The following PDE5A variants were observed in gnomAD, a reference collection of about 807,000 sequenced individuals.
PDE5A encodes the protein cGMP-specific 3',5'-cyclic phosphodiesterase.
PDE5A carries 67 observed loss-of-function variants against 110.2 expected under a neutral mutation model. The ratio of observed to expected loss-of-function variants is 0.61; its 90% CI spans 0.50 to 0.75. PDE5A has a LOEUF of 0.75. PDE5A is among the 30% of genes least tolerant of loss of function. The pLI is 0.00. For synonymous variants in PDE5A, 328 were observed against 351.2 expected (o/e 0.93, Z 0.74); for missense variants, 862 against 1,045.1 (o/e 0.82, Z 2.42).
chr4:119,623,388 TA>T (rs1457696770), intron 1 of PDE5A, among the ~76,000 whole-genome samples: 4 of 152,250 alleles, frequency 2.6e-5, no homozygotes, highest in Non-Finnish European at 2.9e-5. Flanking sequence ...CAGTCCTTAC[TA>T]AAGGTTTTTT....
At chr4:119,545,389 A>G (rs1488488783) in intron 9 of PDE5A, among the ~76,000 whole-genome samples, 2 of 152,218 alleles carry the variant, frequency 1.3e-5, no homozygotes, top group African/African-American at 4.8e-5. Context: ...CATAAACCAT[A>G]CAAACTCAGA....
Position 119,607,381 on chromosome 4 carries a change from T to C in PDE5A, c.153-84A>G. 4.2e-6 allele frequency: 3 copies of C among 722,026 alleles called. 1 individual carries two copies. The South Asian group carries it at 5.5e-5, about 13-fold the overall frequency. The allele number at this position is 722,026 out of a possible 1,614,324, so 44.7% of individuals were successfully genotyped here. A position where few individuals can be genotyped will look rare whatever the true frequency, so the allele number is the denominator to read the frequency against. On this transcript the variant is annotated intron_variant, in intron 1 of 20. Coordinates refer to ENST00000354960, the MANE Select transcript of PDE5A (RefSeq NM_001083.4). ...AGAGCTCCTAAACATCTTCTCATGG[T>C]AAACTGATGAGATAATAATTTGATA...
intron 11 of PDE5A, among the ~76,000 whole-genome samples, chr4:119,527,642 G>T (rs1726374205): frequency 6.6e-6 from 1 of 152,066 alleles, no homozygotes; most frequent in Non-Finnish European, 1.5e-5. Flanking sequence ...TGGTATTTCT[G>T]GCATAGGATG....
At chr4:119,504,414 C>CT in intron 18 of PDE5A, 122 bp downstream of exon 18, 1 of 687,630 alleles carries the variant, frequency 1.5e-6, no homozygotes, top group South Asian at 1.9e-5. Context: ...CTGTGATGAA[C>CT]ATATAAGTGT....
At chr4:119,567,394 C>T (rs1269763451) in intron 3 of PDE5A, among the ~76,000 whole-genome samples, 1 of 151,932 alleles carries the variant, frequency 6.6e-6, no homozygotes, top group African/African-American at 2.4e-5. Flanking sequence ...GTGATTTCAC[C>T]CTGCATTTTG....
chr4:119,544,473 C>T (rs954811637), intron 9 of PDE5A, among the ~76,000 whole-genome samples: 1 of 152,082 alleles, frequency 6.6e-6, no homozygotes, highest in South Asian at 2.1e-4. Context: ...AAAAACAAAC[C>T]AAGGGTTATG....
intron 2 of PDE5A, among the ~76,000 whole-genome samples, chr4:119,599,333 GA>G (rs201984569): frequency 6.6e-6 from 1 of 151,954 alleles, no homozygotes; most frequent in African/African-American, 2.4e-5. Flanking sequence ...ATAGTAAAGA[GA>G]AAAAGTAGTC....
rs1729361770 is a variant in PDE5A, at chr4:119,601,950, G to C, written c.741+4759C>G. On this transcript the variant is annotated intron_variant, in intron 2 of 20. Coordinates refer to ENST00000354960, the MANE Select transcript of PDE5A (RefSeq NM_001083.4). ...TCTAAATTTAAAAAGATAAAGAAATGCTGAGAAACTGTTTCAGATGGAGGG... is the reference window on the plus strand; with the variant it reads ...TCTAAATTTAAAAAGATAAAGAAATCCTGAGAAACTGTTTCAGATGGAGGG... Among the ~76,000 whole-genome samples the C allele has an allele frequency of 7.2e-5, 11 of 152,222 alleles. No homozygotes were observed. In the South Asian group the frequency reaches 2.3e-3, roughly 32 times the overall value.
intron 9 of PDE5A, among the ~76,000 whole-genome samples, chr4:119,545,145 T>A (rs1464345998): frequency 6.6e-6 from 1 of 152,150 alleles, no homozygotes; most frequent in Non-Finnish European, 1.5e-5. Context: ...ATAATCCCAT[T>A]GATCTCTTTA....
chr4:119,611,650 C>G (rs542579121), intron 1 of PDE5A, among the ~76,000 whole-genome samples: 2 of 152,162 alleles, frequency 1.3e-5, no homozygotes, highest in Non-Finnish European at 2.9e-5. Context: ...ATAAATGTTG[C>G]TTACGGATAT....
chr4:119,625,749 C>T (rs561911236), intron 1 of PDE5A, among the ~76,000 whole-genome samples: 1 of 152,090 alleles, frequency 6.6e-6, no homozygotes, highest in East Asian at 1.9e-4. Flanking sequence ...AAATCCTTAG[C>T]TGTAAAGTTA....
rs1726278839 is a variant in PDE5A at position 119,525,463 on chromosome 4, A to G, written c.1779+86T>C. 6 of 1,271,340 alleles carry G rather than the reference A, an allele frequency of 4.7e-6. No individual in the cohort carries two copies. The highest frequency in any genetic ancestry group is 6.6e-6 in the Non-Finnish European group (6 of 913,506). The allele number at this position is 1,271,340 out of a possible 1,614,324, so 78.8% of individuals were successfully genotyped here. On this transcript the variant is annotated intron_variant, in intron 12 of 20. Transcript: ENST00000354960. The surrounding 1 kb of genome is among the most constrained non-coding windows in gnomAD (Gnocchi z 4.3). ...ACTAAAATGTAAAAATCCCTATTCC[A>G]TATTTGCATTCAAAACCAATTCTCT...
chr4:119,510,829 C>A lies in PDE5A; in HGVS notation c.2088+218G>T, dbSNP rs539292585. On this transcript the variant is annotated intron_variant, in intron 15 of 20. Coordinates refer to ENST00000354960, the MANE Select transcript of PDE5A (RefSeq NM_001083.4). ...GGAATAGCCACGTAGAGTAGAATAACCAAATTTCCCTTATTGGGCAACATG... is the reference window on the plus strand; with the variant it reads ...GGAATAGCCACGTAGAGTAGAATAAACAAATTTCCCTTATTGGGCAACATG... 3.9e-5 allele frequency among the ~76,000 whole-genome samples: 6 copies of A among 152,202 alleles called. No individual in the cohort carries two copies. In the South Asian group the frequency reaches 1.2e-3, roughly 32 times the overall value.
intron 3 of PDE5A, among the ~76,000 whole-genome samples, chr4:119,567,799 T>C (rs1727995245): frequency 6.6e-6 from 1 of 152,188 alleles, no homozygotes; most frequent in African/African-American, 2.4e-5. Flanking sequence ...TGGAAGTTAC[T>C]TACCTTTTAG....
chr4:119,513,001 A>C (rs142781505), intron 14 of PDE5A: 105 of 152,108 alleles, frequency 6.9e-4, no homozygotes, highest in African/African-American at 2.1e-3. Flanking sequence ...TTAGTTTATT[A>C]TATTTAATTT....
intron 1 of PDE5A, among the ~76,000 whole-genome samples, chr4:119,609,796 A>AT (rs954224835): frequency 6.6e-5 from 10 of 152,246 alleles, no homozygotes; most frequent in Non-Finnish European, 1.3e-4. Context: ...ACAAAAAACG[A>AT]TAAGTATGAG....
chr4:119,597,582 C>G (rs1204616747), intron 2 of PDE5A, among the ~76,000 whole-genome samples: 1 of 152,046 alleles, frequency 6.6e-6, no homozygotes, highest in Non-Finnish European at 1.5e-5. Context: ...CCCTTCAAAG[C>G]GATAGCCTTG....
chr4:119,611,575 T>C (rs1459360081), intron 1 of PDE5A, among the ~76,000 whole-genome samples: 1 of 152,250 alleles, frequency 6.6e-6, no homozygotes, highest in African/African-American at 2.4e-5. Context: ...GTGCAGCATA[T>C]GTCTTAAGCA....
In PDE5A at chr4:119,567,121, G is replaced by A; in HGVS notation, c.855C>T (p.Ile285=). 1 of 1,613,256 alleles carries A rather than the reference G, an allele frequency of 6.2e-7. No homozygotes were observed. Among genetic ancestry groups the A allele is most frequent in the Non-Finnish European group, 8.5e-7 (1 of 1,179,424 alleles). The part of the protein sequence containing the change: ...REEVVGVAQA[I]NKKSGNGGTF... Reference sequence around the variant, plus strand: ...TCCCACCGTTTCCTGATTTCTTGTTGATGGCCTGGGCTACACCAACAACCT... The same window carrying A: ...TCCCACCGTTTCCTGATTTCTTGTTAATGGCCTGGGCTACACCAACAACCT... The change falls in exon 4 of 21, where the codon ATC becomes ATT. Residue 285 remains isoleucine, a synonymous_variant. Transcript: ENST00000354960.
Sources: gnomAD v4.1 joint callset for allele counts (sites outside exome capture counted in the v4.1 genomes callset) on GRCh38, gnomAD v4.1.1 for gene constraint, Gnocchi (gnomAD v3.1) non-coding constraint, MANE v1.5 for transcripts, NCBI Gene and HGNC (gene_info 2026-07-23, HGNC 2026-07-21) for gene names.